ZSCAN2: variants seen among roughly 807,000 people sequenced by gnomAD.
ZSCAN2 encodes zinc finger and SCAN domain-containing protein 2.
In ZSCAN2, 26 loss-of-function variants were observed where a neutral mutation model predicts 47.8. The observed-to-expected ratio is 0.54, with a 90% confidence interval of 0.40 to 0.75. ZSCAN2 has a LOEUF of 0.75. Among genes scored for constraint, ZSCAN2 ranks in the 30% least tolerant of loss-of-function variants. ZSCAN2 has a pLI of 0.00. For missense variants in ZSCAN2, 732 were observed against 785.4 expected, an observed-to-expected ratio of 0.93 and a Z score of 0.81; for synonymous variants, 305 against 288.7, an observed-to-expected ratio of 1.06 and a Z score of -0.57.
rs779350040 is a variant in ZSCAN2, at chr15:84,604,260, A to G, written c.333A>G (p.Gln111=). ...CAAAGGAAATTCAGGCTTGGCTGCA[A>G]GAGCATCGGCCTGAAAGCAGTGAGG... is the stretch of plus-strand genomic sequence containing the variant. The part of the protein sequence containing the change: ...MLPKEIQAWL[Q]EHRPESSEEA... Residue 111 remains glutamine (Q), a synonymous_variant, in exon 2 of 3, where the codon CAA becomes CAG. Coordinates refer to ENST00000546148, the MANE Select transcript of ZSCAN2 (RefSeq NM_181877.4). 6.2e-7 allele frequency: 1 copy of G among 1,614,196 alleles called. No individual in the cohort carries two copies. Among genetic ancestry groups the G allele is most frequent in the Non-Finnish European group, 8.5e-7 (1 of 1,180,028 alleles).
Position 84,621,806 on chromosome 15 carries a change from G to A in ZSCAN2, c.1611G>A (p.Lys537=). The stretch of plus-strand genomic sequence containing the variant: ...CCTACAAATGCCTCATGTGCGGCAA[G>A]AGCTTCAGCCGGGGCTCCATTCTGG... ...EKPYKCLMCG[K]SFSRGSILVM... The change falls in exon 3 of 3, where the codon AAG becomes AAA. Residue 537 remains lysine (K), a synonymous_variant. Transcript: ENST00000546148. This position sits in a 1 kb window ranked among gnomAD's most constrained non-coding sequence, Gnocchi z 5.7. The A allele has an allele frequency of 6.2e-7, 1 of 1,614,162 alleles. No individual in the cohort carries two copies. The highest frequency in any genetic ancestry group is 2.2e-5 in the East Asian group (1 of 44,888).
chr15:84,607,068 G>A (rs1309104821), intron 2 of ZSCAN2, among the ~76,000 whole-genome samples: 5 of 152,112 alleles, frequency 3.3e-5, no homozygotes, highest in Admixed American at 6.5e-5. Context: ...GAACCTCTGG[G>A]CACTCAAAAT....
At chr15:84,618,644 G>A (rs990134328) in intron 2 of ZSCAN2, among the ~76,000 whole-genome samples, 2 of 150,794 alleles carry the variant, frequency 1.3e-5, no homozygotes, top group Admixed American at 6.6e-5. Context: ...TCACCAAAGC[G>A]TCCACCTCCT....
At position 84,622,404 on chromosome 15, in the gene ZSCAN2, G is replaced by A. The variant is rs934831081; in HGVS notation, c.*364G>A. ...GACAGCATGGCCCACAACGTGGGCC[G>A]AGTCCTCAGAGAAATACTGGAAATC... On this transcript the variant is annotated 3_prime_UTR_variant, in exon 3 of 3. Transcript: ENST00000546148. 10 of 586,494 alleles carry A rather than the reference G, an allele frequency of 1.7e-5. No individual in the cohort carries two copies. Among genetic ancestry groups the A allele is most frequent in the African/African-American group, 7.6e-5 (4 of 52,684 alleles). The allele number at this position is 586,494 out of a possible 1,614,324, so 36.3% of individuals were successfully genotyped here.
In ZSCAN2 at chr15:84,622,099, A is replaced by C. The variant is rs973101505; in HGVS notation, c.*59A>C. On this transcript the variant is annotated 3_prime_UTR_variant, in exon 3 of 3. Transcript: ENST00000546148. ...GAGTGGGAGTTGCCACACTGCCCCAACAGTGATTCCCTTTCAAAGAGCTGT... is the reference window on the plus strand; with the variant it reads ...GAGTGGGAGTTGCCACACTGCCCCACCAGTGATTCCCTTTCAAAGAGCTGT... 3 of 1,390,552 alleles carry C rather than the reference A, an allele frequency of 2.2e-6. No individual in the cohort carries two copies. In the South Asian group the frequency reaches 4.1e-5, roughly 19 times the overall value. The allele number at this position is 1,390,552 out of a possible 1,614,324, so 86.1% of individuals were successfully genotyped here.
chr15:84,604,547 G>A (rs766816507), intron 2 of ZSCAN2, among the ~76,000 whole-genome samples: 11 of 152,184 alleles, frequency 7.2e-5, no homozygotes, highest in Non-Finnish European at 1.6e-4. Flanking sequence ...GGGCCTTAGA[G>A]CTACATTTGA....
At chr15:84,610,159 TC>T (rs1895502419) in intron 2 of ZSCAN2, among the ~76,000 whole-genome samples, 1 of 152,220 alleles carries the variant, frequency 6.6e-6, no homozygotes, top group Non-Finnish European at 1.5e-5. Flanking sequence ...CAGGGACTGT[TC>T]CAGTGAATGA....
chr15:84,614,579 GCTGTTTGCCTA>G (rs752499082), intron 2 of ZSCAN2: 2 of 152,184 alleles, frequency 1.3e-5, no homozygotes, highest in Non-Finnish European at 2.9e-5. Flanking sequence ...TATGTTCAAA[GCTGTTTGCCTA>G]TAGGTTTATA....
chr15:84,601,625 T>C (rs987629843), intron 1 of ZSCAN2, among the ~76,000 whole-genome samples: 1 of 152,200 alleles, frequency 6.6e-6, no homozygotes, highest in African/African-American at 2.4e-5. Flanking sequence ...GTCCTTTTTT[T>C]TTTAAGCTTT....
In ZSCAN2 at chr15:84,603,972, C is replaced by T. The variant is rs1195575487; in HGVS notation, c.45C>T (p.Ser15=). ...DIPRVTTPLS[S]LVQVPQEEDR... Reference sequence around the variant, plus strand: ...CGAGAGTGACCACTCCGCTGAGCTCCTTGGTCCAGGTGCCTCAAGAGGAAG... The same window carrying T: ...CGAGAGTGACCACTCCGCTGAGCTCTTTGGTCCAGGTGCCTCAAGAGGAAG... Residue 15 remains serine (S), a synonymous_variant, in exon 2 of 3, where the codon TCC becomes TCT. Coordinates refer to ENST00000546148, the MANE Select transcript of ZSCAN2 (RefSeq NM_181877.4). 2 of 1,614,022 alleles carry T rather than the reference C, an allele frequency of 1.2e-6. No individual in the cohort carries two copies. Among genetic ancestry groups the T allele is most frequent in the African/African-American group, 1.3e-5 (1 of 75,028 alleles).
chr15:84,601,794 C>A (rs1358782158), intron 1 of ZSCAN2, among the ~76,000 whole-genome samples: 1 of 152,106 alleles, frequency 6.6e-6, no homozygotes, highest in African/African-American at 2.4e-5. Context: ...CATCTTCCCT[C>A]CTCGGCCTCC....
intron 2 of ZSCAN2, among the ~76,000 whole-genome samples, chr15:84,616,864 T>C (rs1173260973): frequency 6.6e-6 from 1 of 152,170 alleles, no homozygotes; most frequent in East Asian, 1.9e-4. Flanking sequence ...AGCTCACGCC[T>C]ATAATCCCAG....
chr15:84,606,950 C>T (rs750076010), intron 2 of ZSCAN2: 171 of 828,142 alleles, frequency 2.1e-4, no homozygotes, highest in Non-Finnish European at 2.4e-4. Flanking sequence ...CATAAGGCCG[C>T]GTGACCTCTA....
intron 2 of ZSCAN2, among the ~76,000 whole-genome samples, chr15:84,604,993 C>A (rs1350510860): frequency 6.6e-6 from 1 of 152,126 alleles, no homozygotes; most frequent in Non-Finnish European, 1.5e-5. Context: ...ACCTCAGCCC[C>A]CGAAAGTGCT....
intron 2 of ZSCAN2, among the ~76,000 whole-genome samples, chr15:84,607,621 G>T (rs557046730): frequency 5.1e-4 from 77 of 152,186 alleles, no homozygotes; most frequent in African/African-American, 1.8e-3. Flanking sequence ...TGATTCTCCT[G>T]CCTCAGCCTC....
intron 2 of ZSCAN2, chr15:84,616,643 T>G: frequency 8.6e-7 from 1 of 1,160,016 alleles, no homozygotes; most frequent in Non-Finnish European, 1.1e-6. Context: ...ATTGGAGAGC[T>G]AACCAGTTCT....
intron 2 of ZSCAN2, among the ~76,000 whole-genome samples, chr15:84,618,508 A>C (rs937833817): frequency 6.6e-6 from 1 of 152,152 alleles, no homozygotes; most frequent in African/African-American, 2.4e-5. Flanking sequence ...TGTGTGGTAT[A>C]AACAATGTCA....
At chr15:84,605,680 T>C (rs1036215900) in intron 2 of ZSCAN2, among the ~76,000 whole-genome samples, 6 of 152,116 alleles carry the variant, frequency 3.9e-5, no homozygotes, top group African/African-American at 9.7e-5. Flanking sequence ...GAAGCGGAGT[T>C]TGGCAACAGG....
chr15:84,617,164 A>C (rs934657660), intron 2 of ZSCAN2, among the ~76,000 whole-genome samples: 3 of 147,522 alleles, frequency 2.0e-5, no homozygotes, highest in Non-Finnish European at 4.5e-5. Flanking sequence ...GGCCAGGCGC[A>C]GTGGCTCACG....
Sources: allele counts gnomAD v4.1 joint callset (sites outside exome capture counted in the v4.1 genomes callset), GRCh38; gene constraint gnomAD v4.1.1; non-coding constraint Gnocchi (gnomAD v3.1); transcripts MANE v1.5; gene names NCBI Gene and HGNC (gene_info 2026-07-23, HGNC 2026-07-21).